Variants in TMEM181 observed in about 807,000 individuals in gnomAD.
TMEM181 encodes the protein G protein-coupled receptor 178.
TMEM181 carries 39 observed loss-of-function variants against 71.9 expected under a neutral mutation model. The ratio of observed to expected loss-of-function variants is 0.54; its 90% confidence interval spans 0.42 to 0.71. The LOEUF is 0.71. Among genes scored for constraint, TMEM181 ranks in the 30% least tolerant of loss-of-function variants. TMEM181 has a pLI of 0.00. For synonymous variants in TMEM181, 245 were observed against 228.8 expected (o/e 1.07, Z -0.64); for missense variants, 595 against 583.0 (o/e 1.02, Z -0.21).
At chr6:158,623,710 G>T (rs1246900152) in intron 11 of TMEM181, 103 bp downstream of exon 11, 1 of 785,050 alleles carries the variant, frequency 1.3e-6, no homozygotes, top group South Asian at 2.0e-5. Flanking sequence ...TTTGCTAACT[G>T]ACTACTTGGG....
chr6:158,619,094 A>T (rs929162393), intron 10 of TMEM181, among the ~76,000 whole-genome samples: 1 of 152,192 alleles, frequency 6.6e-6, no homozygotes, highest in Non-Finnish European at 1.5e-5. Context: ...GTGTTTTCCA[A>T]CTTGGTTCCA....
rs746800797 is a variant in TMEM181 at position 158,589,749 on chromosome 6, C to T, written c.459C>T (p.His153=). 1.9e-6 allele frequency: 3 copies of T among 1,614,058 alleles called. No individual in the cohort carries two copies. The highest frequency in any genetic ancestry group is 2.2e-5 in the South Asian group (2 of 91,072). Residue 153 remains histidine, a synonymous_variant, in exon 6 of 17, where the codon CAC becomes CAT. Transcript: ENST00000684151. ...ATACAGTGATAGTGGGATTTGAACA[C>T]CTGAAGCTCCCCATCAAGGGAATGA... ...TQYTVIVGFE[H]LKLPIKGMNF... is the part of the protein sequence containing the mutation.
chr6:158,582,774 C>T (rs1562634565), intron 3 of TMEM181, among the ~76,000 whole-genome samples: 1 of 152,112 alleles, frequency 6.6e-6, no homozygotes, highest in South Asian at 2.1e-4. Context: ...TCTCTGTGGC[C>T]TGCTGCTATT....
intron 1 of TMEM181, among the ~76,000 whole-genome samples, chr6:158,561,256 C>T (rs941443542): frequency 2.6e-5 from 4 of 152,246 alleles, no homozygotes; most frequent in Admixed American, 2.6e-4. Context: ...GTTTTTCCTT[C>T]TGCTTCCTTA....
intron 6 of TMEM181, among the ~76,000 whole-genome samples, chr6:158,604,475 C>G (rs2128314347): frequency 6.6e-6 from 1 of 152,308 alleles, no homozygotes; most frequent in Middle Eastern, 3.4e-3. Flanking sequence ...GCACAGTGTT[C>G]TGGGGTCTGG....
Position 158,628,501 on chromosome 6 carries a change from C to A in TMEM181, c.1192+11C>A, listed in dbSNP as rs919280527. ...CTCACTACCAGAATTATATCCTTTTCACTGGAGGGCCCTGGCTGCAGGACG... is the reference window on the plus strand; with the variant it reads ...CTCACTACCAGAATTATATCCTTTTAACTGGAGGGCCCTGGCTGCAGGACG... On this transcript the variant is annotated intron_variant, in intron 14 of 16. Transcript: ENST00000684151. 29 of 1,612,830 alleles carry A rather than the reference C, an allele frequency of 1.8e-5. No individual in the cohort carries two copies. Among genetic ancestry groups the A allele is most frequent in the Non-Finnish European group, 2.3e-5 (27 of 1,179,086 alleles).
At chr6:158,592,104 T>G (rs1247524723) in intron 6 of TMEM181, among the ~76,000 whole-genome samples, 1 of 152,184 alleles carries the variant, frequency 6.6e-6, no homozygotes, top group African/African-American at 2.4e-5. Flanking sequence ...CCCTTGGGAT[T>G]TGTAAGGGAT....
chr6:158,627,784 G>GAT (rs1179129643), intron 13 of TMEM181, among the ~76,000 whole-genome samples: 2 of 141,564 alleles, frequency 1.4e-5, no homozygotes, highest in South Asian at 4.5e-4. Context: ...GCTGGGAGGT[G>GAT]AAAGGGTCTG....
intron 1 of TMEM181, among the ~76,000 whole-genome samples, chr6:158,552,441 CGAG>C (rs1320805237): frequency 3.3e-5 from 5 of 152,112 alleles, no homozygotes; most frequent in African/African-American, 1.2e-4. Flanking sequence ...ATACATTGAG[CGAG>C]GAATACATGG....
intron 5 of TMEM181, among the ~76,000 whole-genome samples, chr6:158,587,528 C>G (rs549165454): frequency 6.6e-5 from 10 of 151,474 alleles, no homozygotes; most frequent in Non-Finnish European, 1.3e-4. Flanking sequence ...CACAGTCTTG[C>G]TATGTTGCCC....
At position 158,608,428 on chromosome 6, in the gene TMEM181, T is replaced by C. The variant is rs1336333539; in HGVS notation, c.769T>C (p.Phe257Leu). 1.8e-5 allele frequency: 29 copies of C among 1,614,236 alleles called. No homozygotes were observed. The highest frequency in any genetic ancestry group is 2.3e-5 in the Non-Finnish European group (27 of 1,180,050). ...CATGTTCCTGTGCGCCCTGCTGCTC[T>C]TCTGGCTGTGCGTGTACCACGGGAT... The part of the protein sequence containing the change: ...QSMFLCALLL[F>L]WLCVYHGIRV... Residue 257 changes from phenylalanine to leucine, a missense_variant, in exon 9 of 17, where the codon TTC becomes CTC. Coordinates refer to ENST00000684151, the MANE Select transcript of TMEM181 (RefSeq NM_001376852.1).
In TMEM181 at chr6:158,608,682, C is replaced by G; in HGVS notation, c.828C>G (p.Phe276Leu). Residue 276 changes from phenylalanine (F) to leucine (L), a missense_variant, in exon 10 of 17, where the codon TTC (phenylalanine) becomes TTG (leucine). Transcript: ENST00000684151. ...RVQGERKCLT[F>L]YLPKFFIVGL... The stretch of plus-strand genomic sequence containing the variant: ...AGGGAGAAAGAAAGTGTTTAACTTT[C>G]TATTTGCCTAAATTCTTCATTGTTG... 1 of 1,611,250 alleles carries G rather than the reference C, an allele frequency of 6.2e-7. No homozygotes were observed. The highest frequency in any genetic ancestry group is 8.5e-7 in the Non-Finnish European group (1 of 1,179,368).
intron 10 of TMEM181, among the ~76,000 whole-genome samples, chr6:158,619,353 T>C (rs1785817476): frequency 1.3e-5 from 2 of 152,246 alleles, no homozygotes; most frequent in Non-Finnish European, 2.9e-5. Context: ...TCAGGTCGTT[T>C]AAGGTCTTCT....
intron 6 of TMEM181, among the ~76,000 whole-genome samples, chr6:158,599,820 G>A (rs1784572367): frequency 6.6e-6 from 1 of 152,252 alleles, no homozygotes; most frequent in Admixed American, 6.5e-5. Context: ...AGCCTTTCAG[G>A]CCCTTGGCAC....
At chr6:158,608,621 T>A in intron 9 of TMEM181, 38 bp from the exon 10 acceptor site, 3 of 1,598,878 alleles carry the variant, frequency 1.9e-6, no homozygotes, top group Non-Finnish European at 2.6e-6. Context: ...ACCAATTTGG[T>A]TTTCTTTATT....
chr6:158,625,581 TAA>T, intron 12 of TMEM181, 120 bp from the exon 13 acceptor site: 1 of 892,838 alleles, frequency 1.1e-6, no homozygotes, highest in East Asian at 2.6e-5. Flanking sequence ...CGACTCCGGC[TAA>T]GTCTGGAGGG....
chr6:158,629,983 G>C (rs1229901965), intron 15 of TMEM181, among the ~76,000 whole-genome samples, 164 bp downstream of exon 15: 1 of 152,172 alleles, frequency 6.6e-6, no homozygotes, highest in African/African-American at 2.4e-5. Flanking sequence ...TCTGAGGTGA[G>C]TTGGGGCCCA....
At chr6:158,571,208 C>T (rs370819066) in intron 1 of TMEM181, among the ~76,000 whole-genome samples, 22 of 152,258 alleles carry the variant, frequency 1.4e-4, no homozygotes, top group Middle Eastern at 3.4e-3. Flanking sequence ...GCCATTCTCC[C>T]GCCTCAGCCT....
At chr6:158,605,164 G>GTATATT in intron 6 of TMEM181, 103 bp from the exon 7 acceptor site, 8 of 682,176 alleles carry the variant, frequency 1.2e-5, no homozygotes, top group Admixed American at 2.0e-5. Context: ...GTGTGTATGT[G>GTATATT]TATATATTGT....
Sources: allele counts gnomAD v4.1 joint callset (sites outside exome capture counted in the v4.1 genomes callset), GRCh38; gene constraint gnomAD v4.1.1; transcripts MANE v1.5; gene names NCBI Gene and HGNC (gene_info 2026-07-23, HGNC 2026-07-21).